The following MAP3K8 variants were observed in gnomAD, a reference collection of about 807,000 sequenced individuals.
MAP3K8 encodes the protein Ewing sarcoma transformant.
In MAP3K8, 22 loss-of-function variants were observed where a neutral mutation model predicts 45.8. That is an observed-to-expected ratio of 0.48 (90% confidence interval 0.34 to 0.69). The LOEUF (loss-of-function observed/expected upper bound fraction) is 0.69. Ranked by LOEUF, MAP3K8 falls within the 30% of genes least tolerant of loss-of-function variation. The pLI is 0.01. For missense variants in MAP3K8, 419 were observed against 585.0 expected (o/e 0.72, Z 2.93); for synonymous variants, 223 against 214.3 (o/e 1.04, Z -0.36).
At chr10:30,436,326 G>T (rs933030563) in intron 1 of MAP3K8, among the ~76,000 whole-genome samples, 3 of 152,160 alleles carry the variant, frequency 2.0e-5, no homozygotes, top group Middle Eastern at 3.2e-3. Context: ...TTTTGCAGGC[G>T]CAGTTAGCAG....
At chr10:30,457,202 C>T (rs1466454133) in intron 6 of MAP3K8, among the ~76,000 whole-genome samples, 1 of 152,072 alleles carries the variant, frequency 6.6e-6, no homozygotes, top group African/African-American at 2.4e-5. Flanking sequence ...TTTATAAAAC[C>T]AGCCCTGTTT....
At chr10:30,455,074 A>T (rs796684179) in intron 6 of MAP3K8, among the ~76,000 whole-genome samples, 12 of 152,290 alleles carry the variant, frequency 7.9e-5, no homozygotes, top group African/African-American at 2.9e-4. Context: ...ATGAGATAAT[A>T]ACATATTTTA....
chr10:30,460,964 C>A lies in MAP3K8; in HGVS notation c.*128C>A. Reference sequence around the variant, plus strand: ...AAGGAGCAGTGTGACCTCCTGTGACCCGTGAATGTGCCTCCAAGCGGCCCT... The same window carrying A: ...AAGGAGCAGTGTGACCTCCTGTGACACGTGAATGTGCCTCCAAGCGGCCCT... On this transcript the variant is annotated 3_prime_UTR_variant, in exon 9 of 9. Coordinates refer to ENST00000263056, the MANE Select transcript of MAP3K8 (RefSeq NM_005204.4). 8.3e-7 allele frequency: 1 copy of A among 1,211,214 alleles called. No individual in the cohort carries two copies. The highest frequency in any genetic ancestry group is 1.1e-6 in the Non-Finnish European group (1 of 881,268). 75.0% of individuals were successfully genotyped at this position (1,211,214 alleles called of 1,614,324 possible).
chr10:30,439,297 G>A (rs1564363956), intron 3 of MAP3K8, 23 bp downstream of exon 3: 2 of 1,612,922 alleles, frequency 1.2e-6, no homozygotes, highest in Non-Finnish European at 1.7e-6. Context: ...CCGATCAGTT[G>A]GGTGCTATGT....
intron 6 of MAP3K8, among the ~76,000 whole-genome samples, chr10:30,455,778 C>T (rs1055674645): frequency 1.3e-5 from 2 of 152,182 alleles, no homozygotes; most frequent in African/African-American, 4.8e-5. Flanking sequence ...GCTCCAGTGC[C>T]CTGCCCCGAG....
Position 30,434,682 on chromosome 10 carries a change from C to G in MAP3K8, c.-255+304C>G, listed in dbSNP as rs376761066. On this transcript the variant is annotated intron_variant, in intron 1 of 8. Coordinates refer to ENST00000263056, the MANE Select transcript of MAP3K8 (RefSeq NM_005204.4). ...GGGCAGTGCGCGGGGAAGCGGGGAC[C>G]CGCTGTCACTGCGCCTCCCGCTGCC... 16 of 985,546 alleles carry G rather than the reference C, an allele frequency of 1.6e-5. 1 individual carries two copies. The highest frequency in any genetic ancestry group is 2.3e-4 in the East Asian group (2 of 8,820). 61.1% of individuals were successfully genotyped at this position (985,546 alleles called of 1,614,324 possible). A position where few individuals can be genotyped will look rare whatever the true frequency, so the allele number is the denominator to read the frequency against.
In MAP3K8 at chr10:30,443,763, G is replaced by T. The variant is rs772241733; in HGVS notation, c.337-4019G>T. ...AGTTTTCTCAATATGCTGCTTCTTG[G>T]CCCAGTGTTGTTTCGTATAAATGAC... On this transcript the variant is annotated intron_variant, in intron 3 of 8. Transcript: ENST00000263056. Among the ~76,000 whole-genome samples the T allele has an allele frequency of 3.9e-5, 6 of 152,138 alleles. No individual in the cohort carries two copies. The East Asian group carries it at 1.2e-3, about 29-fold the overall frequency.
intron 3 of MAP3K8, chr10:30,439,499 C>A: frequency 1.0e-6 from 1 of 990,620 alleles, no homozygotes; most frequent in Non-Finnish European, 1.5e-6. Context: ...AGTATTTCTA[C>A]AAATAGGTAA....
chr10:30,435,454 C>T (rs1194084687), intron 1 of MAP3K8, among the ~76,000 whole-genome samples: 1 of 152,144 alleles, frequency 6.6e-6, no homozygotes, highest in African/African-American at 2.4e-5. Flanking sequence ...ACGCCTGAAA[C>T]GCATAATCCG....
At chr10:30,439,423 T>A (rs1387353949) in intron 3 of MAP3K8, 149 bp downstream of exon 3, 2 of 1,362,908 alleles carry the variant, frequency 1.5e-6, no homozygotes, top group Non-Finnish European at 1.9e-6. Flanking sequence ...TACTTCCATG[T>A]TAAAGATGCA....
At chr10:30,459,188 A>G in intron 7 of MAP3K8, 67 bp from the exon 8 acceptor site, 1 of 1,577,790 alleles carries the variant, frequency 6.3e-7, no homozygotes, top group Non-Finnish European at 8.7e-7. Context: ...TCCTGGTACT[A>G]GCATGCTTTT....
Position 30,458,186 on chromosome 10 carries a change from C to G in MAP3K8, c.976C>G (p.Pro326Ala), listed in dbSNP as rs1171221778. Residue 326 changes from proline (P) to alanine (A), a missense_variant, in exon 7 of 9, where the codon CCC becomes GCC. Pro to Ala is a conservative substitution (Grantham distance 27). Coordinates refer to ENST00000263056, the MANE Select transcript of MAP3K8 (RefSeq NM_005204.4). ...TLIHMQTGTP[P>A]WVKRYPRSAY... ...CATCCACATGCAGACGGGCACCCCACCCTGGGTGAAGCGCTACCCTCGCTC... is the reference window on the plus strand; with the variant it reads ...CATCCACATGCAGACGGGCACCCCAGCCTGGGTGAAGCGCTACCCTCGCTC... 6.3e-7 allele frequency: 1 copy of G among 1,591,148 alleles called. No homozygotes were observed. Among genetic ancestry groups the G allele is most frequent in the African/African-American group, 1.4e-5 (1 of 73,938 alleles).
chr10:30,454,479 G>T lies in MAP3K8; in HGVS notation c.873+2735G>T, dbSNP rs527363713. On this transcript the variant is annotated intron_variant, in intron 6 of 8. Coordinates refer to ENST00000263056, the MANE Select transcript of MAP3K8 (RefSeq NM_005204.4). ...GCTACTCAAGAGACTGAGGTGGGAGGATTGCTTGAGCCCAGGATGAGGCTG... is the reference window on the plus strand; with the variant it reads ...GCTACTCAAGAGACTGAGGTGGGAGTATTGCTTGAGCCCAGGATGAGGCTG... Among the ~76,000 whole-genome samples the T allele has an allele frequency of 6.6e-5, 10 of 151,748 alleles. No individual in the cohort carries two copies. The South Asian group carries it at 2.1e-3, about 32-fold the overall frequency.
At chr10:30,439,822 A>G (rs1180830148) in intron 3 of MAP3K8, among the ~76,000 whole-genome samples, 1 of 152,240 alleles carries the variant, frequency 6.6e-6, no homozygotes, top group Non-Finnish European at 1.5e-5. Flanking sequence ...AACAACAAAG[A>G]AGAATGTATT....
rs368789124 is a variant in MAP3K8 at position 30,447,917 on chromosome 10, A to T, written c.472A>T (p.Ile158Leu). ...TGGAAAGGTATACTTGGCACAAGAT[A>T]TAAAGACGAAGAAAAGAATGGCGTG... Reference protein sequence around the residue: ...AFGKVYLAQDIKTKKRMACKL... With the variant: ...AFGKVYLAQDLKTKKRMACKL... The change falls in exon 4 of 9, where the codon ATA becomes TTA. Residue 158 changes from isoleucine to leucine, a missense_variant. This residue lies in a region of MAP3K8 where 209 missense variants were observed against 367.3 expected (regional missense o/e 0.57). Coordinates refer to ENST00000263056, the MANE Select transcript of MAP3K8 (RefSeq NM_005204.4). 3 of 1,611,758 alleles carry T rather than the reference A, an allele frequency of 1.9e-6. No individual in the cohort carries two copies. The highest frequency in any genetic ancestry group is 2.5e-6 in the Non-Finnish European group (3 of 1,179,510).
rs1836859288 is a variant in MAP3K8, at chr10:30,459,498, G to A, written c.1270G>A (p.Ala424Thr). 1 of 1,613,424 alleles carries A rather than the reference G, an allele frequency of 6.2e-7. No homozygotes were observed. Among genetic ancestry groups the A allele is most frequent in the African/African-American group, 1.3e-5 (1 of 74,888 alleles). Reference sequence around the variant, plus strand: ...GGAGCTGGAACTTCCTGAGAACATTGCTGGTAGGGACACCCTGCTGTGTGC... The same window carrying A: ...GGAGCTGGAACTTCCTGAGAACATTACTGGTAGGGACACCCTGCTGTGTGC... ...RKELELPENI[A>T]DSSCTGSTEE... The change falls in exon 8 of 9, where the codon GCT becomes ACT. Residue 424 changes from alanine to threonine, a missense_variant. By Grantham distance (58) the Ala-to-Thr change is moderately conservative. Around this residue, in one of 3 missense-constraint regions of MAP3K8, gnomAD observed 108 missense variants for 124.2 expected, o/e 0.87. Coordinates refer to ENST00000263056, the MANE Select transcript of MAP3K8 (RefSeq NM_005204.4).
chr10:30,444,115 G>T (rs568929182), intron 3 of MAP3K8, among the ~76,000 whole-genome samples: 10 of 151,988 alleles, frequency 6.6e-5, no homozygotes, highest in African/African-American at 1.9e-4. Context: ...ACTTGAGTCT[G>T]GGAGGTTGAA....
intron 1 of MAP3K8, among the ~76,000 whole-genome samples, chr10:30,436,520 G>C (rs1835913231): frequency 6.6e-6 from 1 of 152,088 alleles, no homozygotes; most frequent in African/African-American, 2.4e-5. Context: ...GGTTGTGTGT[G>C]TTCAAGCTCT....
chr10:30,442,524 T>G (rs936573908), intron 3 of MAP3K8, among the ~76,000 whole-genome samples: 1 of 152,216 alleles, frequency 6.6e-6, no homozygotes, highest in Non-Finnish European at 1.5e-5. Context: ...AACAGGCATG[T>G]TCAGTGATTG....
Sources: allele counts gnomAD v4.1 joint callset (sites outside exome capture counted in the v4.1 genomes callset), GRCh38; gene constraint gnomAD v4.1.1; regional missense constraint gnomAD v4.1.1; transcripts MANE v1.5; gene names NCBI Gene and HGNC (gene_info 2026-07-23, HGNC 2026-07-21).